RAB22A: variants seen among roughly 807,000 people sequenced by gnomAD.
The protein encoded by RAB22A is RAB22A, member RAS oncogene family.
Under a neutral mutation model 30.2 loss-of-function variants are expected in RAB22A, and 13 were observed. The ratio of observed to expected loss-of-function variants is 0.43; its 90% CI spans 0.28 to 0.68. RAB22A has a LOEUF of 0.68. Among genes scored for constraint, RAB22A ranks in the 30% least tolerant of loss-of-function variants. The pLI is 0.18. For synonymous variants in RAB22A, 89 were observed against 87.2 expected (o/e 1.02, Z -0.11); for missense variants, 177 against 246.8 (o/e 0.72, Z 1.89).
chr20:58,310,967 C>A, intron 1 of RAB22A, 76 bp from the exon 2 acceptor site: 1 of 1,215,370 alleles, frequency 8.2e-7, no homozygotes, highest in Non-Finnish European at 1.2e-6. Flanking sequence ...AAATCCTGAA[C>A]TTATGCCACA....
intron 3 of RAB22A, among the ~76,000 whole-genome samples, chr20:58,349,545 G>A (rs1600739631): frequency 6.6e-6 from 1 of 152,182 alleles, no homozygotes; most frequent in Non-Finnish European, 1.5e-5. Flanking sequence ...GCTGGCAAGG[G>A]TGACAAGACA....
At chr20:58,356,563 A>C (rs937335168) in intron 6 of RAB22A, among the ~76,000 whole-genome samples, 1 of 152,196 alleles carries the variant, frequency 6.6e-6, no homozygotes, top group Non-Finnish European at 1.5e-5. Context: ...TATCAGAAGT[A>C]TAAGGCTCAG....
chr20:58,343,808 CT>C lies in RAB22A; in HGVS notation c.198+10del. 6.3e-7 allele frequency: 1 copy of C among 1,585,312 alleles called. No homozygotes were observed. Among genetic ancestry groups the C allele is most frequent in the Non-Finnish European group, 8.7e-7 (1 of 1,153,996 alleles). On this transcript the variant is annotated intron_variant, in intron 3 of 6. Coordinates refer to ENST00000244040, the MANE Select transcript of RAB22A (RefSeq NM_020673.3). Reference sequence around the variant, plus strand: ...CAGCTGGACAAGAACGAGTAAGTCACTCTTTAATTTACTCTGTTTTTCTGAG... The same window carrying C: ...CAGCTGGACAAGAACGAGTAAGTCACCTTTAATTTACTCTGTTTTTCTGAG...
At chr20:58,315,789 T>C (rs1003094151) in intron 2 of RAB22A, among the ~76,000 whole-genome samples, 1 of 151,976 alleles carries the variant, frequency 6.6e-6, no homozygotes, top group African/African-American at 2.4e-5. Flanking sequence ...GCCCTCATCC[T>C]ATCTTGCCGG....
chr20:58,359,907 C>G lies in RAB22A; in HGVS notation c.*204C>G. The G allele has an allele frequency of 2.6e-6, 1 of 384,400 alleles. No homozygotes were observed. 23.8% of individuals were successfully genotyped at this position (384,400 alleles called of 1,614,324 possible). On this transcript the variant is annotated 3_prime_UTR_variant, in exon 7 of 7. Coordinates refer to ENST00000244040, the MANE Select transcript of RAB22A (RefSeq NM_020673.3). ...TGTGAACTTCTATTATGTAAAGAAT[C>G]TCTAGTGTACAAAGGGACTACATCG...
At position 58,361,610 on chromosome 20, in the gene RAB22A, T is replaced by C. The variant is rs1987225898; in HGVS notation, c.*1907T>C. On this transcript the variant is annotated 3_prime_UTR_variant, in exon 7 of 7. Coordinates refer to ENST00000244040, the MANE Select transcript of RAB22A (RefSeq NM_020673.3). Reference sequence around the variant, plus strand: ...CCTAAAGTAGTTTGACTTTCTTCTGTATACATCCAGATGGATCCCAGGCAT... The same window carrying C: ...CCTAAAGTAGTTTGACTTTCTTCTGCATACATCCAGATGGATCCCAGGCAT... The C allele has an allele frequency of 6.6e-6, 1 of 152,210 alleles. No individual in the cohort carries two copies. Among genetic ancestry groups the C allele is most frequent in the East Asian group, 1.9e-4 (1 of 5,202 alleles). 9.4% of individuals were successfully genotyped at this position (152,210 alleles called of 1,614,324 possible).
chr20:58,330,197 A>T (rs1046744734), intron 2 of RAB22A, among the ~76,000 whole-genome samples: 1 of 152,212 alleles, frequency 6.6e-6, no homozygotes, highest in African/African-American at 2.4e-5. Context: ...TCCTGAAACC[A>T]GTCCCCTGCG....
intron 2 of RAB22A, among the ~76,000 whole-genome samples, chr20:58,330,521 C>T (rs1986644787): frequency 6.6e-6 from 1 of 152,048 alleles, no homozygotes; most frequent in South Asian, 2.1e-4. Flanking sequence ...CTGGACACTG[C>T]AGAAGATACG....
At chr20:58,358,217 GT>G (rs1435961490) in intron 6 of RAB22A, among the ~76,000 whole-genome samples, 2 of 152,170 alleles carry the variant, frequency 1.3e-5, no homozygotes, top group East Asian at 3.8e-4. Context: ...TCTTGAAATT[GT>G]CATTATGCTT....
At chr20:58,349,832 A>T (rs1370958563) in intron 3 of RAB22A, among the ~76,000 whole-genome samples, 3 of 152,276 alleles carry the variant, frequency 2.0e-5, no homozygotes, top group Non-Finnish European at 2.9e-5. Flanking sequence ...TGTCCAGTGG[A>T]CAGTCAGCAC....
At chr20:58,329,469 G>A (rs983841563) in intron 2 of RAB22A, among the ~76,000 whole-genome samples, 25 of 152,208 alleles carry the variant, frequency 1.6e-4, no homozygotes, top group African/African-American at 5.1e-4. Flanking sequence ...GTTGAGTGGC[G>A]TCATCCTCCT....
intron 2 of RAB22A, among the ~76,000 whole-genome samples, chr20:58,320,974 G>GA (rs1986445623): frequency 6.6e-6 from 1 of 151,866 alleles, no homozygotes; most frequent in Non-Finnish European, 1.5e-5. Context: ...GGTAGATCAT[G>GA]GGGTCAACAG....
intron 3 of RAB22A, among the ~76,000 whole-genome samples, chr20:58,351,237 G>A (rs1335755640): frequency 6.6e-6 from 1 of 151,716 alleles, no homozygotes; most frequent in Non-Finnish European, 1.5e-5. Flanking sequence ...TTGGGAGACT[G>A]AGGCACAAGA....
intron 2 of RAB22A, among the ~76,000 whole-genome samples, chr20:58,330,739 A>T (rs1986648226): frequency 6.6e-6 from 1 of 152,116 alleles, no homozygotes; most frequent in Non-Finnish European, 1.5e-5. Flanking sequence ...CCTCATTATC[A>T]TTGAAGGTGT....
chr20:58,311,237 G>T, intron 2 of RAB22A, 115 bp downstream of exon 2: 1 of 974,746 alleles, frequency 1.0e-6, no homozygotes, highest in East Asian at 2.4e-5. Context: ...TGAGTCGCTG[G>T]TTCGCATCAT....
In RAB22A at chr20:58,362,396, G is replaced by A. The variant is rs540282840; in HGVS notation, c.*2693G>A. 3.9e-5 allele frequency: 6 copies of A among 152,252 alleles called. No homozygotes were observed. In the East Asian group the frequency reaches 9.6e-4, roughly 24 times the overall value. 9.4% of individuals were successfully genotyped at this position (152,252 alleles called of 1,614,324 possible). A position where few individuals can be genotyped will look rare whatever the true frequency, so the allele number is the denominator to read the frequency against. Reference sequence around the variant, plus strand: ...TTATAATAATTTCTTATGGAGAAGAGGCTATATTTCAAAGGAATTGAGACA... The same window carrying A: ...TTATAATAATTTCTTATGGAGAAGAAGCTATATTTCAAAGGAATTGAGACA... On this transcript the variant is annotated 3_prime_UTR_variant, in exon 7 of 7. Coordinates refer to ENST00000244040, the MANE Select transcript of RAB22A (RefSeq NM_020673.3).
intron 2 of RAB22A, among the ~76,000 whole-genome samples, chr20:58,339,266 A>G (rs1330098019): frequency 1.3e-5 from 2 of 152,234 alleles, no homozygotes; most frequent in African/African-American, 4.8e-5. Context: ...TAGATTAAAG[A>G]CATAATAAGA....
intron 2 of RAB22A, among the ~76,000 whole-genome samples, chr20:58,328,641 G>C (rs758287972): frequency 6.6e-6 from 1 of 152,072 alleles, no homozygotes; most frequent in Non-Finnish European, 1.5e-5. Context: ...TGTTGTGGAT[G>C]CCCTCTTCAC....
At chr20:58,337,026 G>A (rs1007983728) in intron 2 of RAB22A, among the ~76,000 whole-genome samples, 4 of 152,108 alleles carry the variant, frequency 2.6e-5, no homozygotes, top group African/African-American at 9.7e-5. Context: ...CAACTTTCTG[G>A]CTCAGCCCCA....
Sources: gnomAD v4.1 joint callset for allele counts (sites outside exome capture counted in the v4.1 genomes callset) on GRCh38, gnomAD v4.1.1 for gene constraint, MANE v1.5 for transcripts, NCBI Gene and HGNC (gene_info 2026-07-23, HGNC 2026-07-21) for gene names.